The following KRT23 variants were observed in gnomAD, a reference collection of about 807,000 sequenced individuals.
KRT23 encodes keratin 23, also known as keratin, type I cytoskeletal 23.
Under a neutral mutation model 47.6 loss-of-function variants are expected in KRT23, and 38 were observed. That is an observed-to-expected ratio of 0.80 (90% CI 0.62 to 1.05). The LOEUF (loss-of-function observed/expected upper bound fraction) is 1.05. KRT23 is among the 50% of genes least tolerant of loss of function. The probability of loss-of-function intolerance (pLI) is 0.00; values close to 1 mark genes in which losing one functional copy is unlikely to be tolerated. For synonymous variants in KRT23, 191 were observed against 199.0 expected (o/e 0.96, Z 0.34); for missense variants, 503 against 529.5 (o/e 0.95, Z 0.49).
At chr17:40,934,794 T>A (rs1909932174) in intron 2 of KRT23, among the ~76,000 whole-genome samples, 1 of 152,164 alleles carries the variant, frequency 6.6e-6, no homozygotes, top group African/African-American at 2.4e-5. Flanking sequence ...TCTTGCAGAA[T>A]CAAATAAAAT....
intron 8 of KRT23, among the ~76,000 whole-genome samples, chr17:40,923,533 T>C (rs1182205813): frequency 6.6e-6 from 1 of 152,226 alleles, no homozygotes; most frequent in African/African-American, 2.4e-5. Flanking sequence ...TTTTCAAATA[T>C]ATAACTTATT....
intron 2 of KRT23, among the ~76,000 whole-genome samples, chr17:40,932,031 C>T (rs912217098): frequency 4.6e-5 from 7 of 152,146 alleles, no homozygotes; most frequent in South Asian, 2.1e-4. Flanking sequence ...TACTGAGCAA[C>T]GCTAACACTA....
Position 40,936,238 on chromosome 17 carries a change from A to T in KRT23, c.366T>A (p.Tyr122Ter), listed in dbSNP as rs759941153. Residue 122 changes from tyrosine to a stop codon, truncating the protein, a stop_gained, in exon 2 of 9, where the codon TAT (tyrosine) becomes TAA (stop). Coordinates refer to ENST00000209718, the MANE Select transcript of KRT23 (RefSeq NM_015515.5). LOFTEE classifies it high-confidence loss of function. ...CCTGCAGGTGTGTGATGTTTTCCTC[A>T]TACTGGGAATAATCTTTCTTACTGC... ...DPGSKKDYSQ[Y>*]EENITHLQEQ... The T allele has an allele frequency of 6.2e-7, 1 of 1,614,140 alleles. No homozygotes were observed. The highest frequency in any genetic ancestry group is 8.5e-7 in the Non-Finnish European group (1 of 1,180,024).
chr17:40,930,429 A>G (rs2872963), intron 3 of KRT23, among the ~76,000 whole-genome samples: 67,057 of 152,024 alleles, frequency 0.44, 15,452 homozygotes, highest in East Asian at 0.72. Flanking sequence ...ATGACATTTT[A>G]AGACTAAATA....
chr17:40,935,309 C>T (rs1434297801), intron 2 of KRT23, among the ~76,000 whole-genome samples: 2 of 152,004 alleles, frequency 1.3e-5, no homozygotes, highest in Non-Finnish European at 2.9e-5. Flanking sequence ...ACTTGTGATA[C>T]CCTTTCTAGG....
chr17:40,923,616 T>G (rs1909057920), intron 8 of KRT23, among the ~76,000 whole-genome samples: 1 of 152,212 alleles, frequency 6.6e-6, no homozygotes, highest in South Asian at 2.1e-4. Flanking sequence ...ATTAATAAAT[T>G]TACAAGGGAG....
In KRT23 at chr17:40,931,012, CT is replaced by C. The variant is rs1165590099; in HGVS notation, c.479+360del. Among the ~76,000 whole-genome samples the C allele has an allele frequency of 6.4e-3, 771 of 120,794 alleles. 5 individuals are homozygous for C. Among genetic ancestry groups the C allele is most frequent in the African/African-American group, 0.017 (516 of 30,620 alleles). 79.2% of individuals were successfully genotyped at this position (120,794 alleles called of 152,430 possible). Reference sequence around the variant, plus strand: ...GCGGGTAATGGCAAGATGAGTTTTCCTTTTTTTTTTTTTTTTTGAGATGGAG... The same window carrying C: ...GCGGGTAATGGCAAGATGAGTTTTCCTTTTTTTTTTTTTTTTGAGATGGAG... On this transcript the variant is annotated intron_variant, in intron 3 of 8. Coordinates refer to ENST00000209718, the MANE Select transcript of KRT23 (RefSeq NM_015515.5).
chr17:40,925,596 TG>T (rs1567792372), intron 6 of KRT23, 22 bp from the exon 7 acceptor site: 1 of 1,548,850 alleles, frequency 6.5e-7, no homozygotes, highest in Non-Finnish European at 8.9e-7. Flanking sequence ...AATGATCTTC[TG>T]TTAATTAACT....
intron 7 of KRT23, chr17:40,925,114 T>A (rs1444069587): frequency 1.8e-6 from 1 of 541,142 alleles, no homozygotes; most frequent in Non-Finnish European, 3.3e-6. Flanking sequence ...TTTTGAATTG[T>A]TTCCTTCTAG....
At chr17:40,929,817 A>C (rs1909519108) in intron 4 of KRT23, 123 bp downstream of exon 4, 1 of 758,118 alleles carries the variant, frequency 1.3e-6, no homozygotes, top group South Asian at 2.6e-5. Flanking sequence ...TCTAAAGACT[A>C]TTTAGGGTGA....
intron 6 of KRT23, 120 bp from the exon 7 acceptor site, chr17:40,925,694 G>T (rs1909187573): frequency 2.8e-6 from 2 of 725,920 alleles, no homozygotes; most frequent in Admixed American, 4.3e-5. Context: ...AGCTGCTGAG[G>T]ACACCAAGAT....
At chr17:40,928,402 C>T (rs1909377460) in intron 5 of KRT23, 42 bp from the exon 6 acceptor site, 2 of 1,613,958 alleles carry the variant, frequency 1.2e-6, no homozygotes, top group South Asian at 2.2e-5. Flanking sequence ...ATTGGGACCT[C>T]ATGGAAATGC....
In KRT23 at chr17:40,936,267, G is replaced by C. The variant is rs1290954226; in HGVS notation, c.337C>G (p.Pro113Ala). The C allele has an allele frequency of 1.9e-6, 3 of 1,614,074 alleles. No homozygotes were observed. Among genetic ancestry groups the C allele is most frequent in the Non-Finnish European group, 2.5e-6 (3 of 1,180,050 alleles). Residue 113 changes from proline (P) to alanine (A), a missense_variant, in exon 2 of 9, where the codon CCT (proline) becomes GCT (alanine). Coordinates refer to ENST00000209718, the MANE Select transcript of KRT23 (RefSeq NM_015515.5). ...RILKWHQQRD[P>A]GSKKDYSQYE... ...TGGGAATAATCTTTCTTACTGCCAGGATCTCTCTGCTGGTGCCATTTCAGG... is the reference window on the plus strand; with the variant it reads ...TGGGAATAATCTTTCTTACTGCCAGCATCTCTCTGCTGGTGCCATTTCAGG...
At position 40,936,493 on chromosome 17, in the gene KRT23, A is replaced by G. The variant is rs1567809059; in HGVS notation, c.111T>C (p.Gly37=). ...ACAGGGAGATGCGGGCTCCCCCCGC[A>G]CCGCCATGGACGGTGGGAGCCCTGG... ...SFPRAPTVHG[G]AGGARISLSF... The change falls in exon 2 of 9, where the codon GGT becomes GGC. Residue 37 remains glycine (G), a synonymous_variant. Coordinates refer to ENST00000209718, the MANE Select transcript of KRT23 (RefSeq NM_015515.5). The G allele has an allele frequency of 2.6e-6, 4 of 1,542,708 alleles. No individual in the cohort carries two copies. In the East Asian group the frequency reaches 6.8e-5, roughly 26 times the overall value.
chr17:40,928,216 G>T, intron 6 of KRT23, 22 bp downstream of exon 6: 1 of 1,613,682 alleles, frequency 6.2e-7, no homozygotes. Flanking sequence ...TGGGATTCAC[G>T]GTTTTCCTAG....
intron 4 of KRT23, among the ~76,000 whole-genome samples, chr17:40,929,027 C>CAAAAAAAA (rs3067615): frequency 3.1e-5 from 2 of 64,290 alleles, no homozygotes; most frequent in African/African-American, 6.4e-5. Context: ...ACCCTGTCTC[C>CAAAAAAAA]AAAAAAAAAA....
Position 40,931,451 on chromosome 17 carries a change from A to G in KRT23, c.401T>C (p.Val134Ala). 6.2e-7 allele frequency: 1 copy of G among 1,612,968 alleles called. No individual in the cohort carries two copies. The highest frequency in any genetic ancestry group is 8.5e-7 in the Non-Finnish European group (1 of 1,178,920). ...ENITHLQEQIVDGKMTNAQII... is the reference protein window; with the variant it reads ...ENITHLQEQIADGKMTNAQII... ...CTGAGCATTGGTCATCTTACCATCC[A>G]CTATCTGTAAAACATGCACAAAAGC... Residue 134 changes from valine to alanine, a missense_variant, in exon 3 of 9, where the codon GTG becomes GCG. Val to Ala is a moderately conservative substitution (Grantham distance 64, BLOSUM62 0). Coordinates refer to ENST00000209718, the MANE Select transcript of KRT23 (RefSeq NM_015515.5).
At chr17:40,927,316 A>C (rs1221935022) in intron 6 of KRT23, among the ~76,000 whole-genome samples, 2 of 152,234 alleles carry the variant, frequency 1.3e-5, no homozygotes, top group Non-Finnish European at 2.9e-5. Flanking sequence ...ATGGGTATAC[A>C]TGCCTCGCCT....
intron 1 of KRT23, 164 bp from the exon 2 acceptor site, chr17:40,937,117 A>C: frequency 6.6e-6 from 1 of 152,652 alleles, no homozygotes; most frequent in Non-Finnish European, 1.5e-5. Context: ...TCCACCCCCA[A>C]TAAGCCCCAC....
Sources: gnomAD v4.1 joint callset for allele counts (sites outside exome capture counted in the v4.1 genomes callset) on GRCh38, gnomAD v4.1.1 for gene constraint, MANE v1.5 for transcripts, NCBI Gene and HGNC (gene_info 2026-07-23, HGNC 2026-07-21) for gene names.